PARVA: variants seen among roughly 807,000 people sequenced by gnomAD.
The protein encoded by PARVA is parvin alpha.
A neutral mutation model predicts 52.6 loss-of-function variants in PARVA; 25 were observed. The ratio of observed to expected loss-of-function variants is 0.48; its 90% CI spans 0.35 to 0.66. The LOEUF is 0.66. Ranked by LOEUF, PARVA falls within the 30% of genes least tolerant of loss-of-function variation. The pLI, the probability that PARVA is intolerant of heterozygous loss-of-function variation, is 0.01. For synonymous variants in PARVA, 185 were observed against 179.1 expected (o/e 1.03, Z -0.26); for missense variants, 373 against 450.9 (o/e 0.83, Z 1.56).
intron 1 of PARVA, among the ~76,000 whole-genome samples, chr11:12,431,919 C>T (rs1435575268): frequency 1.3e-5 from 2 of 152,232 alleles, no homozygotes; most frequent in East Asian, 1.9e-4. Context: ...AACTTTCTTA[C>T]TCTGGCTGCA....
intron 1 of PARVA, among the ~76,000 whole-genome samples, chr11:12,409,451 C>T (rs1320786962): frequency 1.3e-5 from 2 of 152,156 alleles, no homozygotes; most frequent in Admixed American, 1.3e-4. Context: ...GGTTGCTAAT[C>T]AGCTGGCCTT....
chr11:12,395,790 A>T (rs1042673704), intron 1 of PARVA, among the ~76,000 whole-genome samples: 1 of 152,176 alleles, frequency 6.6e-6, no homozygotes, highest in East Asian at 1.9e-4. Context: ...TTCTGACCCA[A>T]TGCAAATTAA....
chr11:12,446,050 TACAC>T (rs1422558743), intron 1 of PARVA, among the ~76,000 whole-genome samples: 22 of 137,722 alleles, frequency 1.6e-4, no homozygotes, highest in Admixed American at 3.7e-4. Flanking sequence ...TAAAAAAAAA[TACAC>T]ACCTTTTTTT....
At chr11:12,443,169 C>CTTCTTTTTTTT (rs1326822141) in intron 1 of PARVA, among the ~76,000 whole-genome samples, 2 of 78,328 alleles carry the variant, frequency 2.6e-5, no homozygotes, top group African/African-American at 5.0e-5. Flanking sequence ...CGCCCCCCTT[C>CTTCTTTTTTTT]TTTTTTTTTT....
intron 1 of PARVA, among the ~76,000 whole-genome samples, chr11:12,378,451 C>T (rs1478185737): frequency 6.6e-6 from 1 of 152,122 alleles, no homozygotes; most frequent in Non-Finnish European, 1.5e-5. Flanking sequence ...TAAACTCCCA[C>T]CAAAGGAGAA....
intron 1 of PARVA, among the ~76,000 whole-genome samples, chr11:12,444,604 C>T (rs1432364894): frequency 6.6e-6 from 1 of 152,004 alleles, no homozygotes; most frequent in Admixed American, 6.6e-5. Flanking sequence ...ATCACCTCAC[C>T]CAGCTATTTT....
chr11:12,527,530 AC>A (rs140968183), intron 12 of PARVA, among the ~76,000 whole-genome samples: 1,703 of 152,208 alleles, frequency 0.011, 28 homozygotes, highest in African/African-American at 0.039. Flanking sequence ...CTGGTCTTCC[AC>A]TGCAGCCCCA....
intron 1 of PARVA, among the ~76,000 whole-genome samples, chr11:12,448,858 C>T (rs1470440270): frequency 3.3e-5 from 5 of 152,144 alleles, no homozygotes; most frequent in Non-Finnish European, 5.9e-5. Context: ...GACGTTGCTC[C>T]AATGTTCTCC....
chr11:12,383,880 G>A (rs1939530622), intron 1 of PARVA, among the ~76,000 whole-genome samples: 1 of 151,962 alleles, frequency 6.6e-6, no homozygotes, highest in African/African-American at 2.4e-5. Flanking sequence ...AACCTGCATT[G>A]TTCAAGGGGC....
intron 4 of PARVA, among the ~76,000 whole-genome samples, chr11:12,484,507 GTGTGT>G (rs1564859267): frequency 0.015 from 65 of 4,356 alleles, no homozygotes; most frequent in East Asian, 0.12. Context: ...TTGTTTTGGT[GTGTGT>G]GTGTGTGTGT....
chr11:12,448,215 G>A (rs553501239), intron 1 of PARVA, among the ~76,000 whole-genome samples: 47 of 152,228 alleles, frequency 3.1e-4, no homozygotes, highest in African/African-American at 1.0e-3. Flanking sequence ...TGAGGAAGGC[G>A]GGGGGTCATA....
chr11:12,465,606 T>G (rs570673557), intron 1 of PARVA, among the ~76,000 whole-genome samples: 34 of 152,348 alleles, frequency 2.2e-4, no homozygotes, highest in South Asian at 6.2e-4. Flanking sequence ...TGTCGTATAA[T>G]TAGAATTGTA....
intron 1 of PARVA, among the ~76,000 whole-genome samples, chr11:12,386,521 G>A (rs11022336): frequency 2.0e-5 from 3 of 152,152 alleles, no homozygotes; most frequent in Non-Finnish European, 4.4e-5. Context: ...CTCTGTGCTA[G>A]CACTGGTCAT....
At chr11:12,395,550 A>AT (rs1266034788) in intron 1 of PARVA, among the ~76,000 whole-genome samples, 1 of 152,200 alleles carries the variant, frequency 6.6e-6, no homozygotes, top group Non-Finnish European at 1.5e-5. Flanking sequence ...CCCTGGCCAG[A>AT]TTGGCTCAGC....
At chr11:12,498,907 G>A (rs916854909) in intron 5 of PARVA, among the ~76,000 whole-genome samples, 3 of 152,056 alleles carry the variant, frequency 2.0e-5, no homozygotes, top group African/African-American at 4.8e-5. Context: ...GTTATTTTTC[G>A]CTTGATCTTA....
intron 1 of PARVA, among the ~76,000 whole-genome samples, chr11:12,381,724 G>A (rs1939489789): frequency 6.6e-6 from 1 of 152,114 alleles, no homozygotes; most frequent in Non-Finnish European, 1.5e-5. Flanking sequence ...ATGTTATAAA[G>A]AAAATCATAA....
Position 12,531,403 on chromosome 11 carries a change from ACAGTATTCTGGAG to A in PARVA, c.*3480_*3492del, listed in dbSNP as rs1941770639. Among the ~76,000 whole-genome samples the A allele has an allele frequency of 6.6e-6, 1 of 152,178 alleles. No individual in the cohort carries two copies. Among genetic ancestry groups the A allele is most frequent in the South Asian group, 2.1e-4 (1 of 4,836 alleles). On this transcript the variant is annotated 3_prime_UTR_variant, in exon 13 of 13. Transcript: ENST00000334956. ...GTATACTTGAAGCTTATTTGCATCA[ACAGTATTCTGGAG>A]CTGTAATTTTTCAATAACTAGACTC...
intron 1 of PARVA, among the ~76,000 whole-genome samples, chr11:12,378,761 G>A (rs1027648389): frequency 1.3e-5 from 2 of 152,024 alleles, no homozygotes; most frequent in Non-Finnish European, 1.5e-5. Context: ...TTTAGTTGAT[G>A]CATGATGTAC....
At position 12,518,488 on chromosome 11, in the gene PARVA, G is replaced by A. The variant is rs758761824; in HGVS notation, c.1013G>A (p.Gly338Glu). The A allele has an allele frequency of 1.2e-6, 2 of 1,613,644 alleles. No homozygotes were observed. The highest frequency in any genetic ancestry group is 4.5e-5 in the East Asian group (2 of 44,874). Residue 338 changes from glycine to glutamate, a missense_variant, in exon 12 of 13, where the codon GGG becomes GAG. Coordinates refer to ENST00000334956, the MANE Select transcript of PARVA (RefSeq NM_018222.5). ...SFAFELMQDG[G>E]LEKPKPRPED... ...GCCTTTGAGCTCATGCAAGATGGAG[G>A]GTTGGAAAAGCCAAAACCGCGGCCA...
Sources: gnomAD v4.1 joint callset for allele counts (sites outside exome capture counted in the v4.1 genomes callset) on GRCh38, gnomAD v4.1.1 for gene constraint, MANE v1.5 for transcripts, NCBI Gene and HGNC (gene_info 2026-07-23, HGNC 2026-07-21) for gene names.